Variants in TTLL7 observed in about 807,000 individuals in gnomAD.
The protein encoded by TTLL7 is tubulin tyrosine ligase like 7.
TTLL7 carries 53 observed loss-of-function variants against 120.2 expected under a neutral mutation model. The observed-to-expected ratio is 0.44, with a 90% CI of 0.35 to 0.55. The LOEUF (loss-of-function observed/expected upper bound fraction) is 0.55. Ranked by LOEUF, TTLL7 falls within the 20% of genes least tolerant of loss-of-function variation. TTLL7 has a pLI of 0.00. For missense variants in TTLL7, 803 were observed against 1,054.7 expected, an observed-to-expected ratio of 0.76 and a Z score of 3.31; for synonymous variants, 353 against 351.7, an observed-to-expected ratio of 1.00 and a Z score of -0.04.
intron 20 of TTLL7, among the ~76,000 whole-genome samples, chr1:83,876,411 T>C (rs1653931770): frequency 6.6e-6 from 1 of 151,974 alleles, no homozygotes; most frequent in African/African-American, 2.4e-5. Flanking sequence ...TACTTATTCT[T>C]GGTCCTTTGC....
chr1:83,970,576 T>C (rs1650881854), intron 1 of TTLL7, among the ~76,000 whole-genome samples: 1 of 152,084 alleles, frequency 6.6e-6, no homozygotes, highest in African/African-American at 2.4e-5. Context: ...ATCAACAGCA[T>C]GTCCAAGTAG....
At chr1:83,972,441 A>G (rs1208123879) in intron 1 of TTLL7, among the ~76,000 whole-genome samples, 1 of 152,030 alleles carries the variant, frequency 6.6e-6, no homozygotes, top group Non-Finnish European at 1.5e-5. Context: ...TTAATAGCTC[A>G]TTTCTTTTCA....
chr1:83,962,971 T>C (rs1035634907), intron 1 of TTLL7, among the ~76,000 whole-genome samples: 1 of 152,306 alleles, frequency 6.6e-6, no homozygotes, highest in African/African-American at 2.4e-5. Flanking sequence ...ATAAAAATTA[T>C]TATTTTGGTT....
At chr1:83,906,510 T>C in intron 16 of TTLL7, 47 bp from the exon 17 acceptor site, 1 of 1,608,810 alleles carries the variant, frequency 6.2e-7, no homozygotes, top group Non-Finnish European at 8.5e-7. Context: ...CTTATTTCAT[T>C]GTGCCAGTAT....
chr1:83,921,016 A>G, intron 12 of TTLL7, 71 bp downstream of exon 12: 1 of 1,477,814 alleles, frequency 6.8e-7, no homozygotes, highest in Non-Finnish European at 9.2e-7. Context: ...AGCACACAAG[A>G]TTAAAACATG....
chr1:83,998,769 C>T (rs1008738302), intron 1 of TTLL7, among the ~76,000 whole-genome samples, 162 bp downstream of exon 1: 8 of 152,202 alleles, frequency 5.3e-5, no homozygotes. Context: ...ATCATTTGCA[C>T]GAACGCAGCA....
chr1:83,932,566 C>G (rs545865388), intron 9 of TTLL7, among the ~76,000 whole-genome samples: 1 of 123,708 alleles, frequency 8.1e-6, no homozygotes. Flanking sequence ...CACATAGGCG[C>G]GCGCACACAC....
At chr1:83,926,113 CAA>C (rs35184491) in intron 10 of TTLL7, among the ~76,000 whole-genome samples, 9 of 127,100 alleles carry the variant, frequency 7.1e-5, no homozygotes, top group Admixed American at 2.3e-4. Flanking sequence ...GACTCTGTCT[CAA>C]AAAAAAAAAA....
rs370329053 is a variant in TTLL7, at chr1:83,919,877, T to A, written c.1365-43A>T. 1.3e-5 allele frequency: 20 copies of A among 1,589,800 alleles called. No individual in the cohort carries two copies. In the African/African-American group the frequency reaches 2.7e-4, roughly 21 times the overall value. ...AAACCAATTTTTTAAAAAGAAGCTG[T>A]CGTAGCTCAATAGTTAACATCAACT... On this transcript the variant is annotated intron_variant, in intron 12 of 20. Coordinates refer to ENST00000260505, the MANE Select transcript of TTLL7 (RefSeq NM_024686.6).
intron 20 of TTLL7, among the ~76,000 whole-genome samples, chr1:83,878,185 T>C (rs1278552295): frequency 1.3e-5 from 2 of 151,764 alleles, no homozygotes; most frequent in Admixed American, 6.6e-5. Flanking sequence ...TCTGAAATTC[T>C]GTGAAATTTG....
rs769947516 is a variant in TTLL7, at chr1:83,951,895, T to C, written c.107A>G (p.Lys36Arg). 6.2e-7 allele frequency: 1 copy of C among 1,613,558 alleles called. No individual in the cohort carries two copies. Among genetic ancestry groups the C allele is most frequent in the Non-Finnish European group, 8.5e-7 (1 of 1,179,856 alleles). ...STMKRKVRKK[K>R]KKGTITANVA... ...ATTTGCTGTAATGGTTCCCTTCTTT[T>C]TCTTCTTTCTGACTTTCCTTTTCAT... The change falls in exon 3 of 21, where the codon AAA (lysine) becomes AGA (arginine). Residue 36 changes from lysine (K) to arginine (R), a missense_variant. By Grantham distance (26) the Lys-to-Arg change is conservative (BLOSUM62 2). Coordinates refer to ENST00000260505, the MANE Select transcript of TTLL7 (RefSeq NM_024686.6).
chr1:83,948,027 T>C (rs1444111162), intron 5 of TTLL7, among the ~76,000 whole-genome samples: 1 of 152,184 alleles, frequency 6.6e-6, no homozygotes, highest in Non-Finnish European at 1.5e-5. Flanking sequence ...AAGTAGATTG[T>C]TACTCTAAAT....
At chr1:83,926,113 CA>C (rs35184491) in intron 10 of TTLL7, among the ~76,000 whole-genome samples, 348 of 127,078 alleles carry the variant, frequency 2.7e-3, no homozygotes, top group South Asian at 0.013. Context: ...GACTCTGTCT[CA>C]AAAAAAAAAA....
intron 1 of TTLL7, among the ~76,000 whole-genome samples, chr1:83,988,089 T>C (rs1219200649): frequency 6.6e-6 from 1 of 152,150 alleles, no homozygotes; most frequent in Non-Finnish European, 1.5e-5. Flanking sequence ...TTTACGTCCA[T>C]GAGTACCCAA....
intron 19 of TTLL7, among the ~76,000 whole-genome samples, chr1:83,887,576 T>G (rs1049506272): frequency 1.2e-4 from 18 of 152,100 alleles, no homozygotes; most frequent in South Asian, 4.1e-4. Flanking sequence ...TAGATGAGAT[T>G]GGAGTCAAAT....
In TTLL7 at chr1:83,991,811, T is replaced by C. The variant is rs528916308; in HGVS notation, c.-177+7120A>G. The stretch of plus-strand genomic sequence containing the variant: ...AATTTTACTTGGAGATCTAAATCAC[T>C]CTATTTATAGATATTGCTGAGTGTA... On this transcript the variant is annotated intron_variant, in intron 1 of 20. Transcript: ENST00000260505. Among the ~76,000 whole-genome samples the C allele has an allele frequency of 2.0e-5, 3 of 152,264 alleles. No individual in the cohort carries two copies. In the South Asian group the frequency reaches 6.2e-4, roughly 32 times the overall value.
chr1:83,885,191 A>G (rs1201697448), intron 19 of TTLL7: 1 of 172,740 alleles, frequency 5.8e-6, no homozygotes, highest in Non-Finnish European at 1.1e-5. Context: ...TACAAAAAAA[A>G]TCCTGTGTTT....
intron 10 of TTLL7, among the ~76,000 whole-genome samples, chr1:83,922,248 A>G (rs2100798247): frequency 6.6e-6 from 1 of 152,268 alleles, no homozygotes; most frequent in Non-Finnish European, 1.5e-5. Flanking sequence ...AGAAAGTTCT[A>G]TCCTTAAGCT....
chr1:83,994,581 A>T (rs575315130), intron 1 of TTLL7, among the ~76,000 whole-genome samples: 1 of 152,278 alleles, frequency 6.6e-6, no homozygotes, highest in East Asian at 1.9e-4. Flanking sequence ...GGGGAGGGGG[A>T]GCATCTGAAT....
Sources: gnomAD v4.1 joint callset for allele counts (sites outside exome capture counted in the v4.1 genomes callset) on GRCh38, gnomAD v4.1.1 for gene constraint, MANE v1.5 for transcripts, NCBI Gene and HGNC (gene_info 2026-07-23, HGNC 2026-07-21) for gene names.